The following ABHD12 variants were observed in gnomAD, a reference collection of about 807,000 sequenced individuals.
ABHD12 encodes the protein abhydrolase domain containing 12, lysophospholipase, also known as lysophosphatidylserine lipase ABHD12.
In ABHD12, 43 loss-of-function variants were observed where a neutral mutation model predicts 58.3. That is an observed-to-expected ratio of 0.74 (90% CI 0.58 to 0.95). The LOEUF (loss-of-function observed/expected upper bound fraction) is 0.95. ABHD12 is among the 40% of genes least tolerant of loss of function. The pLI is 0.00. For synonymous variants in ABHD12, 219 were observed against 211.2 expected, an observed-to-expected ratio of 1.04 and a Z score of -0.32; for missense variants, 539 against 537.2, an observed-to-expected ratio of 1.00 and a Z score of -0.03.
At chr20:25,337,806 G>A (rs2146031301) in intron 2 of ABHD12, among the ~76,000 whole-genome samples, 2 of 152,310 alleles carry the variant, frequency 1.3e-5, no homozygotes, top group South Asian at 4.1e-4. Context: ...GAACATTAAA[G>A]TCAGAAAAAC....
At chr20:25,383,983 AG>A (rs2090055361) in intron 1 of ABHD12, among the ~76,000 whole-genome samples, 3 of 148,066 alleles carry the variant, frequency 2.0e-5, no homozygotes, top group Non-Finnish European at 4.5e-5. Flanking sequence ...AAGAAAAAAA[AG>A]AAAAAAAATT....
chr20:25,380,006 G>A (rs996374808), intron 1 of ABHD12, among the ~76,000 whole-genome samples: 1 of 152,148 alleles, frequency 6.6e-6, no homozygotes, highest in African/African-American at 2.4e-5. Context: ...GTACAGGTGT[G>A]TGCCACCGCA....
intron 1 of ABHD12, among the ~76,000 whole-genome samples, chr20:25,351,850 G>T (rs751289593): frequency 6.6e-6 from 1 of 152,102 alleles, no homozygotes; most frequent in African/African-American, 2.4e-5. Context: ...GAGGTGAGCT[G>T]AGATTGCACC....
intron 1 of ABHD12, among the ~76,000 whole-genome samples, chr20:25,370,735 G>C (rs993800692): frequency 6.6e-6 from 1 of 152,148 alleles, no homozygotes; most frequent in Non-Finnish European, 1.5e-5. Flanking sequence ...AATCTCATGA[G>C]GCAGCTGTGA....
At chr20:25,347,018 A>G (rs2089528792) in intron 1 of ABHD12, among the ~76,000 whole-genome samples, 1 of 152,198 alleles carries the variant, frequency 6.6e-6, no homozygotes, top group Admixed American at 6.5e-5. Flanking sequence ...TGGACTCCAC[A>G]GAAAACCTGA....
intron 9 of ABHD12, among the ~76,000 whole-genome samples, chr20:25,307,618 CCAAGCACTGTCT>C (rs1275399972): frequency 3.3e-5 from 5 of 152,258 alleles, no homozygotes; most frequent in Non-Finnish European, 5.9e-5. Flanking sequence ...GTCCAGCCCC[CCAAGCACTGTCT>C]CATACACAGA....
At chr20:25,308,348 T>A (rs1197955836) in intron 8 of ABHD12, 109 bp downstream of exon 8, 1 of 1,406,976 alleles carries the variant, frequency 7.1e-7, no homozygotes, top group African/African-American at 1.4e-5. Flanking sequence ...CCCCCCAGAA[T>A]GTGCAGCTCA....
At chr20:25,360,689 C>G (rs771037313) in intron 1 of ABHD12, among the ~76,000 whole-genome samples, 16 of 152,276 alleles carry the variant, frequency 1.1e-4, no homozygotes, top group Non-Finnish European at 1.6e-4. Context: ...ACATTAGAAG[C>G]TGGAAAACAG....
intron 1 of ABHD12, among the ~76,000 whole-genome samples, chr20:25,367,470 T>C (rs1054584835): frequency 3.3e-5 from 5 of 152,202 alleles, no homozygotes; most frequent in African/African-American, 1.2e-4. Flanking sequence ...AGTGGTAATA[T>C]GTTCATATGT....
At chr20:25,323,233 A>G in intron 3 of ABHD12, 92 bp downstream of exon 3, 1 of 820,974 alleles carries the variant, frequency 1.2e-6, no homozygotes, top group South Asian at 1.3e-5. Context: ...AATGAACAAC[A>G]TTTCAGAGGC....
chr20:25,332,543 C>G (rs1477522806), intron 2 of ABHD12, among the ~76,000 whole-genome samples: 2 of 151,634 alleles, frequency 1.3e-5, no homozygotes, highest in Non-Finnish European at 2.9e-5. Context: ...CAAAATTGAC[C>G]ACATCCTTGG....
chr20:25,340,783 A>C (rs559215983), intron 1 of ABHD12, among the ~76,000 whole-genome samples: 83 of 152,380 alleles, frequency 5.4e-4, no homozygotes, highest in Non-Finnish European at 9.4e-4. Flanking sequence ...AAAATTCTAG[A>C]AAAGGCAGAA....
chr20:25,312,121 C>T (rs2088859780), intron 6 of ABHD12, among the ~76,000 whole-genome samples: 1 of 152,094 alleles, frequency 6.6e-6, no homozygotes, highest in Admixed American at 6.5e-5. Context: ...TAGTTCAAGA[C>T]CAGCCTGGGC....
intron 1 of ABHD12, among the ~76,000 whole-genome samples, chr20:25,375,567 C>T (rs889068283): frequency 2.0e-5 from 3 of 152,148 alleles, no homozygotes; most frequent in African/African-American, 7.2e-5. Flanking sequence ...AGCTCCACAC[C>T]CACAACCCTG....
At chr20:25,333,375 G>A (rs1335814712) in intron 2 of ABHD12, among the ~76,000 whole-genome samples, 3 of 121,914 alleles carry the variant, frequency 2.5e-5, no homozygotes, top group African/African-American at 8.2e-5. Flanking sequence ...TTCTACCAGA[G>A]GTACAAGGAG....
At chr20:25,294,824 G>A in exon 13 of ABHD12, 1 of 813,900 alleles carries the variant, frequency 1.2e-6, no homozygotes, top group Non-Finnish European at 2.1e-6. Flanking sequence ...ACTTTGTAAG[G>A]TTTGCAGCTC....
chr20:25,336,937 C>T (rs1318948352), intron 2 of ABHD12, among the ~76,000 whole-genome samples: 2 of 152,182 alleles, frequency 1.3e-5, no homozygotes, highest in African/African-American at 4.8e-5. Context: ...TTTCTTGGTG[C>T]TAGACCTTTG....
At chr20:25,301,197 C>T (rs541055990) in intron 12 of ABHD12, among the ~76,000 whole-genome samples, 4 of 152,250 alleles carry the variant, frequency 2.6e-5, no homozygotes, top group East Asian at 1.9e-4. Context: ...AAATTATAAC[C>T]GCAAAGCAAA....
downstream of ABHD12, chr20:25,297,856 G>C (rs2145909381): frequency 6.6e-6 from 1 of 152,450 alleles, no homozygotes; most frequent in East Asian, 1.9e-4. Flanking sequence ...CTGTGGTCGT[G>C]CCCTGACAGC....
Sources: allele counts gnomAD v4.1 joint callset (sites outside exome capture counted in the v4.1 genomes callset), GRCh38; gene constraint gnomAD v4.1.1; transcripts MANE v1.5; gene names NCBI Gene and HGNC (gene_info 2026-07-23, HGNC 2026-07-21).